RNLS: variants seen among roughly 807,000 people sequenced by gnomAD.
RNLS encodes the protein renalase.
A neutral mutation model predicts 39.8 loss-of-function variants in RNLS; 39 were observed. The observed-to-expected ratio is 0.98, with a 90% confidence interval of 0.76 to 1.28. The LOEUF (loss-of-function observed/expected upper bound fraction) is 1.28, where lower values mean the gene tolerates loss of function less well. RNLS is among the 50% of genes most tolerant of loss of function. The pLI, the probability that RNLS is intolerant of heterozygous loss-of-function variation, is 0.00. For synonymous variants in RNLS, 147 were observed against 150.7 expected (o/e 0.98, Z 0.18); for missense variants, 410 against 413.3 (o/e 0.99, Z 0.07).
intron 4 of RNLS, among the ~76,000 whole-genome samples, chr10:88,469,636 G>C (rs1328077997): frequency 6.6e-6 from 1 of 152,136 alleles, no homozygotes; most frequent in Non-Finnish European, 1.5e-5. Context: ...AGAGGACGCA[G>C]TATACAGTGT....
Position 88,284,816 on chromosome 10 carries a change from A to G in RNLS, c.*538T>C. The G allele has an allele frequency of 3.0e-6, 3 of 985,340 alleles. No homozygotes were observed. Among genetic ancestry groups the G allele is most frequent in the Non-Finnish European group, 3.6e-6 (3 of 829,860 alleles). The allele number at this position is 985,340 out of a possible 1,614,324, so 61.0% of individuals were successfully genotyped here. On this transcript the variant is annotated 3_prime_UTR_variant, in exon 7 of 7. Coordinates refer to ENST00000331772, the MANE Select transcript of RNLS (RefSeq NM_001031709.3). ...GCCCTCCACACTAAGATGATGACAT[A>G]TATGACCTACAATTCAGGATCACTT... is the stretch of plus-strand genomic sequence containing the variant.
intron 4 of RNLS, among the ~76,000 whole-genome samples, chr10:88,498,113 A>G (rs989993820): frequency 1.3e-5 from 2 of 152,096 alleles, no homozygotes. Flanking sequence ...TTACAAAGGG[A>G]AAAATAGTAG....
chr10:88,203,456 G>GTATATATATATATATA, the RNLS span, among the ~76,000 whole-genome samples: 1 of 1,210 alleles, frequency 8.3e-4, no homozygotes, highest in African/African-American at 4.8e-3. Context: ...GTGTGTGTGT[G>GTATATATATATATATA]TATATATATA....
intron 5 of RNLS, among the ~76,000 whole-genome samples, chr10:88,359,872 C>T (rs1849501691): frequency 6.6e-6 from 1 of 152,192 alleles, no homozygotes; most frequent in Admixed American, 6.6e-5. Context: ...GGAGATATGA[C>T]TCTGCTATTT....
chr10:88,309,419 C>A, intron 6 of RNLS: 1 of 1,289,740 alleles, frequency 7.8e-7, no homozygotes, highest in African/African-American at 1.5e-5. Context: ...ATAATGTAAA[C>A]GTACGGGTGG....
intron 4 of RNLS, among the ~76,000 whole-genome samples, chr10:88,395,696 A>G (rs1160928651): frequency 6.6e-6 from 1 of 152,074 alleles, no homozygotes; most frequent in Non-Finnish European, 1.5e-5. Flanking sequence ...TAATGGCTAA[A>G]ACTTTCCAGT....
At chr10:88,189,956 C>T in the RNLS span, among the ~76,000 whole-genome samples, 4 of 152,136 alleles carry the variant, frequency 2.6e-5, no homozygotes, top group Admixed American at 6.5e-5. Context: ...ATCCGCCCTT[C>T]GAAATGTCAT....
At chr10:88,524,958 TAC>T (rs1307011932) in intron 4 of RNLS, among the ~76,000 whole-genome samples, 51 of 75,338 alleles carry the variant, frequency 6.8e-4, no homozygotes, top group South Asian at 3.1e-3. Context: ...GGCACACACA[TAC>T]ATATATATAT....
At chr10:88,518,213 T>C (rs1054440049) in intron 4 of RNLS, among the ~76,000 whole-genome samples, 1 of 151,832 alleles carries the variant, frequency 6.6e-6, no homozygotes, top group African/African-American at 2.4e-5. Context: ...TTCAGAAAAC[T>C]TGGCATTAAG....
At chr10:88,541,357 C>A (rs747569319) in intron 4 of RNLS, among the ~76,000 whole-genome samples, 6 of 152,142 alleles carry the variant, frequency 3.9e-5, no homozygotes, top group Non-Finnish European at 8.8e-5. Flanking sequence ...TTTGGCAGAT[C>A]CTGGCTTTTC....
chr10:88,251,679 TACAC>T, the RNLS span, among the ~76,000 whole-genome samples: 2 of 152,240 alleles, frequency 1.3e-5, no homozygotes. Flanking sequence ...ACCACGTGCA[TACAC>T]ACACGTATCT....
intron 4 of RNLS, among the ~76,000 whole-genome samples, chr10:88,502,572 A>G (rs1845564100): frequency 6.6e-6 from 1 of 152,172 alleles, no homozygotes; most frequent in Admixed American, 6.6e-5. Context: ...TTCAGCCAGC[A>G]GAATCATAAG....
chr10:88,177,678 G>A, the RNLS span, among the ~76,000 whole-genome samples: 6 of 152,102 alleles, frequency 3.9e-5, no homozygotes, highest in Admixed American at 3.9e-4. Flanking sequence ...TCCTTATGTT[G>A]ATATTTGTGC....
chr10:88,504,915 A>G (rs1845705577), intron 4 of RNLS, among the ~76,000 whole-genome samples: 2 of 148,418 alleles, frequency 1.3e-5, no homozygotes. Context: ...CAAGGTTCTC[A>G]CTGTAGATAA....
the RNLS span, among the ~76,000 whole-genome samples, chr10:88,245,175 T>C: frequency 1.3e-5 from 2 of 152,252 alleles, no homozygotes; most frequent in South Asian, 4.1e-4. Flanking sequence ...GTGACTTTTG[T>C]GAAGAGCACT....
At chr10:88,452,531 A>G (rs898919179) in intron 4 of RNLS, among the ~76,000 whole-genome samples, 2 of 152,196 alleles carry the variant, frequency 1.3e-5, no homozygotes, top group Admixed American at 6.5e-5. Flanking sequence ...GGAATAAAAC[A>G]TGGGAAGGTG....
chr10:88,564,438 G>C (rs1007268798), intron 4 of RNLS, among the ~76,000 whole-genome samples: 16 of 152,052 alleles, frequency 1.1e-4, no homozygotes, highest in Non-Finnish European at 1.8e-4. Flanking sequence ...TCAGAGGGTG[G>C]GGGGTGGAGA....
intron 4 of RNLS, among the ~76,000 whole-genome samples, chr10:88,445,380 A>G (rs924814237): frequency 6.6e-6 from 1 of 152,234 alleles, no homozygotes; most frequent in African/African-American, 2.4e-5. Flanking sequence ...AATTGTAAAG[A>G]CCATCAATGC....
intron 4 of RNLS, among the ~76,000 whole-genome samples, chr10:88,472,216 G>A (rs1843577348): frequency 6.6e-6 from 1 of 152,198 alleles, no homozygotes; most frequent in African/African-American, 2.4e-5. Context: ...AAAGCAGTGA[G>A]AAGGAGGTGT....
Sources: allele counts gnomAD v4.1 joint callset (sites outside exome capture counted in the v4.1 genomes callset), GRCh38; gene constraint gnomAD v4.1.1; transcripts MANE v1.5; gene names NCBI Gene and HGNC (gene_info 2026-07-23, HGNC 2026-07-21).